The following SH3YL1 variants were observed in gnomAD, a reference collection of about 807,000 sequenced individuals.
SH3YL1 encodes the protein SH3 domain-containing YSC84-like protein 1.
In SH3YL1, 41 loss-of-function variants were observed where a neutral mutation model predicts 45.8. That is an observed-to-expected ratio of 0.89 (90% CI 0.70 to 1.16). The LOEUF (loss-of-function observed/expected upper bound fraction) is 1.16, where lower values mean the gene tolerates loss of function less well. SH3YL1 is among the 50% of genes most tolerant of loss of function. The pLI is 0.00. For missense variants in SH3YL1, 389 were observed against 409.6 expected (o/e 0.95, Z 0.43); for synonymous variants, 152 against 151.4 (o/e 1.00, Z -0.03).
chr2:262,709 C>T, intron 1 of SH3YL1: 1 of 1,293,952 alleles, frequency 7.7e-7, no homozygotes, highest in Non-Finnish European at 1.0e-6. Context: ...CTTTGACTGC[C>T]TCAACTTCCT....
At chr2:263,629 G>A (rs1669701565) in intron 1 of SH3YL1, 2 of 252,302 alleles carry the variant, frequency 7.9e-6, no homozygotes, top group Non-Finnish European at 1.5e-5. Flanking sequence ...CATTCCAAGC[G>A]CGCGCATTCG....
At chr2:228,154 G>A (rs375508082) in intron 8 of SH3YL1, among the ~76,000 whole-genome samples, 39 of 152,306 alleles carry the variant, frequency 2.6e-4, no homozygotes, top group Admixed American at 1.6e-3. Flanking sequence ...GAGTGTTCAC[G>A]AGTGTGTCGA....
chr2:220,547 C>T (rs1376925906), intron 9 of SH3YL1, among the ~76,000 whole-genome samples: 8 of 152,172 alleles, frequency 5.3e-5, no homozygotes, highest in Non-Finnish European at 1.2e-4. Flanking sequence ...TTAAGTTAAA[C>T]GTTCTAAGTA....
At chr2:233,333 G>C in intron 5 of SH3YL1, 104 bp from the exon 6 acceptor site, 1 of 1,201,296 alleles carries the variant, frequency 8.3e-7, no homozygotes, top group Non-Finnish European at 1.1e-6. Flanking sequence ...ATTTTGTTCT[G>C]TACCTTCTTC....
chr2:225,286 A>C (rs1309398773), intron 8 of SH3YL1, among the ~76,000 whole-genome samples: 1 of 152,266 alleles, frequency 6.6e-6, no homozygotes, highest in Non-Finnish European at 1.5e-5. Context: ...CACTAACTGC[A>C]TCCACATTTC....
chr2:242,846 C>T, intron 4 of SH3YL1: 18 of 1,517,224 alleles, frequency 1.2e-5, no homozygotes, highest in East Asian at 2.5e-5. Flanking sequence ...ATGCAGATGG[C>T]AACCTAAGAA....
At chr2:245,611 T>G (rs1225622326) in intron 4 of SH3YL1, among the ~76,000 whole-genome samples, 1 of 152,150 alleles carries the variant, frequency 6.6e-6, no homozygotes, top group Non-Finnish European at 1.5e-5. Context: ...CATCACAGAC[T>G]GGAAGCACCC....
At chr2:225,194 T>C (rs1389487763) in intron 8 of SH3YL1, among the ~76,000 whole-genome samples, 1 of 152,226 alleles carries the variant, frequency 6.6e-6, no homozygotes, top group African/African-American at 2.4e-5. Flanking sequence ...ACAATTCTAT[T>C]AGGTTCTTCT....
At chr2:238,052 G>A (rs1006673857) in intron 4 of SH3YL1, among the ~76,000 whole-genome samples, 7 of 152,144 alleles carry the variant, frequency 4.6e-5, no homozygotes, top group African/African-American at 7.2e-5. Flanking sequence ...GCTGAGTCCC[G>A]GGCTGTTGTC....
At chr2:238,176 C>T (rs886708722) in intron 4 of SH3YL1, among the ~76,000 whole-genome samples, 8 of 152,136 alleles carry the variant, frequency 5.3e-5, no homozygotes, top group Non-Finnish European at 8.8e-5. Context: ...CGTTCTCTCA[C>T]GCCACTCTTG....
intron 4 of SH3YL1, among the ~76,000 whole-genome samples, chr2:242,389 A>G (rs1668581844): frequency 6.6e-6 from 1 of 151,888 alleles, no homozygotes; most frequent in Non-Finnish European, 1.5e-5. Context: ...AAAAAAGGAG[A>G]AAAAAAACTA....
chr2:247,547 T>C lies in SH3YL1; in HGVS notation c.282A>G (p.Ile94Met), dbSNP rs1232250384. Residue 94 changes from isoleucine to methionine, a missense_variant, in exon 4 of 10, where the codon ATA (isoleucine) becomes ATG (methionine). By Grantham distance (10) the Ile-to-Met change is conservative. Coordinates refer to ENST00000356150, the MANE Select transcript of SH3YL1 (RefSeq NM_015677.4). ...GIAGLGGGFEIGIEVSDLVII... is the reference protein window; with the variant it reads ...GIAGLGGGFEMGIEVSDLVII... ...TGCACAAGCTACTTACCTCAATTCC[T>C]ATTTCAAATCCTCCACCAAGGCCAG... 6.4e-7 allele frequency: 1 copy of C among 1,551,590 alleles called. No individual in the cohort carries two copies. Among genetic ancestry groups the C allele is most frequent in the African/African-American group, 1.4e-5 (1 of 73,164 alleles).
At chr2:264,256 T>G, upstream of SH3YL1, 1 of 419,396 alleles carries the variant, frequency 2.4e-6, no homozygotes, top group Non-Finnish European at 4.2e-6. Context: ...AGCACGGTGT[T>G]GGGGGTGGGG....
At chr2:238,299 GTGT>G (rs1668395248) in intron 4 of SH3YL1, among the ~76,000 whole-genome samples, 1 of 132,620 alleles carries the variant, frequency 7.5e-6, no homozygotes, top group Non-Finnish European at 1.7e-5. Flanking sequence ...GTGTGTGTGT[GTGT>G]GGCATGGCCA....
At chr2:254,876 C>A (rs1302025892) in intron 1 of SH3YL1, among the ~76,000 whole-genome samples, 1 of 152,208 alleles carries the variant, frequency 6.6e-6, no homozygotes, top group Non-Finnish European at 1.5e-5. Context: ...AGTGACTATT[C>A]CTGTAAATCA....
chr2:243,336 GA>G (rs1668628822), intron 4 of SH3YL1, among the ~76,000 whole-genome samples: 1 of 152,114 alleles, frequency 6.6e-6, no homozygotes, highest in African/African-American at 2.4e-5. Flanking sequence ...TGTTTTCTTT[GA>G]CCCCAATGGA....
At chr2:227,213 G>A (rs530126571) in intron 8 of SH3YL1, among the ~76,000 whole-genome samples, 1 of 152,168 alleles carries the variant, frequency 6.6e-6, no homozygotes, top group South Asian at 2.1e-4. Flanking sequence ...GTGGGGAAAT[G>A]GTTGATGAGA....
At chr2:233,372 G>T (rs2103028050) in intron 5 of SH3YL1, 143 bp from the exon 6 acceptor site, 4 of 921,018 alleles carry the variant, frequency 4.3e-6, no homozygotes, top group Non-Finnish European at 5.9e-6. Flanking sequence ...CTTACTGTAG[G>T]CCTAAATTAG....
chr2:237,106 T>C (rs1572157011), intron 4 of SH3YL1, among the ~76,000 whole-genome samples: 1 of 140,946 alleles, frequency 7.1e-6, no homozygotes, highest in Admixed American at 7.3e-5. Flanking sequence ...TATTTTTAGA[T>C]AACAAATTTG....
Sources: gnomAD v4.1 joint callset for allele counts (sites outside exome capture counted in the v4.1 genomes callset) on GRCh38, gnomAD v4.1.1 for gene constraint, MANE v1.5 for transcripts, NCBI Gene and HGNC (gene_info 2026-07-23, HGNC 2026-07-21) for gene names.